Variants in ACSM6 observed in about 807,000 individuals in gnomAD.
ACSM6 encodes acyl-CoA synthetase medium chain family member 6, also known as acyl-coenzyme A synthetase ACSM6, mitochondrial.
In ACSM6, 35 loss-of-function variants were observed where a neutral mutation model predicts 51.1. That is an observed-to-expected ratio of 0.69 (90% CI 0.52 to 0.91). The LOEUF is 0.91. Among genes scored for constraint, ACSM6 ranks in the 40% least tolerant of loss-of-function variants. ACSM6 has a pLI of 0.00. For missense variants in ACSM6, 509 were observed against 584.1 expected, an observed-to-expected ratio of 0.87 and a Z score of 1.32; for synonymous variants, 172 against 207.3, an observed-to-expected ratio of 0.83 and a Z score of 1.46.
At chr10:95,219,680 C>A (rs2034976535) in intron 8 of ACSM6, among the ~76,000 whole-genome samples, 1 of 152,040 alleles carries the variant, frequency 6.6e-6, no homozygotes, top group Admixed American at 6.6e-5. Context: ...GTATGGTTTA[C>A]ATGTTCTTCT....
chr10:95,209,397 T>A (rs953414376), intron 4 of ACSM6, among the ~76,000 whole-genome samples: 17 of 150,176 alleles, frequency 1.1e-4, no homozygotes, highest in Non-Finnish European at 2.4e-4. Context: ...CATGTAGGAG[T>A]CGTCTAGGAA....
At chr10:95,201,627 C>T (rs1309816673) in intron 2 of ACSM6, 1 of 468,622 alleles carries the variant, frequency 2.1e-6, no homozygotes, top group Admixed American at 2.3e-5. Context: ...CACATGAATG[C>T]AGGTGTCTTT....
At chr10:95,205,958 A>G (rs1246296678) in intron 3 of ACSM6, among the ~76,000 whole-genome samples, 2 of 152,138 alleles carry the variant, frequency 1.3e-5, no homozygotes, top group East Asian at 3.8e-4. Flanking sequence ...CTCGAATTAG[A>G]TGAACTCCCC....
At chr10:95,228,449 A>G (rs75094503) in intron 10 of ACSM6, 195 bp from the exon 11 acceptor site, 1 of 486,020 alleles carries the variant, frequency 2.1e-6, no homozygotes, top group Non-Finnish European at 3.5e-6. Flanking sequence ...AAAAAAAAAA[A>G]GCTGAAGTTA....
chr10:95,216,487 G>T (rs374210532), intron 8 of ACSM6, among the ~76,000 whole-genome samples: 5 of 152,148 alleles, frequency 3.3e-5, no homozygotes, highest in African/African-American at 1.2e-4. Flanking sequence ...TGGAATCAAA[G>T]GAAAGATAAT....
chr10:95,205,758 G>A (rs960921950), intron 3 of ACSM6, among the ~76,000 whole-genome samples: 5 of 152,176 alleles, frequency 3.3e-5, no homozygotes, highest in African/African-American at 7.2e-5. Context: ...TCATCTAAGG[G>A]TGGGGGCACT....
At chr10:95,218,830 A>G (rs2133389038) in intron 8 of ACSM6, among the ~76,000 whole-genome samples, 1 of 152,386 alleles carries the variant, frequency 6.6e-6, no homozygotes, top group South Asian at 2.1e-4. Context: ...TTACTGCGGT[A>G]CACTAGAGAG....
chr10:95,214,765 C>T, intron 7 of ACSM6, 87 bp from the exon 8 acceptor site: 1 of 1,411,316 alleles, frequency 7.1e-7, no homozygotes, highest in Non-Finnish European at 9.6e-7. Flanking sequence ...GGAATAACTG[C>T]ATCATTTTTC....
chr10:95,219,889 A>G lies in ACSM6; in HGVS notation c.1120-2A>G. The G allele has an allele frequency of 6.2e-7, 1 of 1,610,426 alleles. No homozygotes were observed. Among genetic ancestry groups the G allele is most frequent in the South Asian group, 1.1e-5 (1 of 90,196 alleles). On this transcript the variant is annotated splice_acceptor_variant, in intron 8 of 10. Transcript: ENST00000341686. LOFTEE classifies it high-confidence loss of function. ...AAAACTTGTCTGCATTTCTTTGAAC[A>G]GGGTCTACTCTGTGCCACTTCCAAA...
intron 4 of ACSM6, among the ~76,000 whole-genome samples, chr10:95,208,932 TTAA>T (rs2034867739): frequency 1.1e-4 from 1 of 9,008 alleles, no homozygotes; most frequent in African/African-American, 4.1e-4. Context: ...CCAGGGATGT[TTAA>T]AAAAAAAAAA....
intron 9 of ACSM6, among the ~76,000 whole-genome samples, chr10:95,222,533 G>A (rs779504359): frequency 2.6e-5 from 4 of 151,410 alleles, no homozygotes; most frequent in Non-Finnish European, 5.9e-5. Flanking sequence ...TGAGGCAGGA[G>A]AATCACTTGA....
At chr10:95,195,666 T>G (rs1453602949) in intron 2 of ACSM6, among the ~76,000 whole-genome samples, 1 of 152,186 alleles carries the variant, frequency 6.6e-6, no homozygotes, top group Non-Finnish European at 1.5e-5. Flanking sequence ...ATGTGTAATA[T>G]CTGATTGCCC....
chr10:95,227,980 A>C (rs2035056918), intron 10 of ACSM6, among the ~76,000 whole-genome samples: 1 of 152,154 alleles, frequency 6.6e-6, no homozygotes, highest in Non-Finnish European at 1.5e-5. Context: ...CTGAGACACG[A>C]GAATCACTTG....
chr10:95,221,852 A>G (rs183647909), intron 9 of ACSM6, among the ~76,000 whole-genome samples: 1 of 152,338 alleles, frequency 6.6e-6, no homozygotes, highest in Admixed American at 6.5e-5. Flanking sequence ...CAGCAAAAGC[A>G]TTCCACAAGA....
At chr10:95,210,883 T>A in intron 5 of ACSM6, 90 bp downstream of exon 5, 1 of 1,437,254 alleles carries the variant, frequency 7.0e-7, no homozygotes, top group Non-Finnish European at 9.3e-7. Context: ...GAAAGGAGTT[T>A]CTTACTCAAG....
intron 3 of ACSM6, among the ~76,000 whole-genome samples, chr10:95,204,824 G>GA (rs1165980324): frequency 2.0e-5 from 3 of 151,362 alleles, no homozygotes; most frequent in South Asian, 2.1e-4. Context: ...AACAAAAAAG[G>GA]AAAAAAAAGA....
chr10:95,212,915 C>G, exon 7 of ACSM6: 1 of 1,612,978 alleles, frequency 6.2e-7, no homozygotes, highest in Middle Eastern at 1.7e-4. Context: ...GTACCAGGAA[C>G]TGCTTCAGCA....
At position 95,207,472 on chromosome 10, in the gene ACSM6, A is replaced by G. The variant is rs2034851641; in HGVS notation, c.611+57A>G. The G allele has an allele frequency of 3.3e-6, 5 of 1,534,038 alleles. No homozygotes were observed. In the South Asian group the frequency reaches 5.6e-5, roughly 17 times the overall value. ...TGAAGGAAATGTTTGACTTTGAAAGATGATGATATATGAGAAAGTGGTGTG... is the reference window on the plus strand; with the variant it reads ...TGAAGGAAATGTTTGACTTTGAAAGGTGATGATATATGAGAAAGTGGTGTG... On this transcript the variant is annotated intron_variant, in intron 4 of 10. Transcript: ENST00000341686.
At chr10:95,218,433 G>A (rs1160482488) in intron 8 of ACSM6, among the ~76,000 whole-genome samples, 2 of 152,184 alleles carry the variant, frequency 1.3e-5, no homozygotes, top group Non-Finnish European at 2.9e-5. Context: ...AGACTGGAGA[G>A]GCCAAAACAC....
Sources: allele counts gnomAD v4.1 joint callset (sites outside exome capture counted in the v4.1 genomes callset), GRCh38; gene constraint gnomAD v4.1.1; transcripts MANE v1.5; gene names NCBI Gene and HGNC (gene_info 2026-07-23, HGNC 2026-07-21).